DHRS12: variants seen among roughly 807,000 people sequenced by gnomAD.
DHRS12 encodes the protein dehydrogenase/reductase SDR family member 12.
DHRS12 carries 29 observed loss-of-function variants against 32.1 expected under a neutral mutation model. That is an observed-to-expected ratio of 0.90 (90% CI 0.67 to 1.23). The LOEUF (loss-of-function observed/expected upper bound fraction) is 1.23. DHRS12 is among the 50% of genes most tolerant of loss of function. DHRS12 has a pLI of 0.00. For synonymous variants in DHRS12, 150 were observed against 135.9 expected (o/e 1.10, Z -0.72); for missense variants, 330 against 337.2 (o/e 0.98, Z 0.17).
chr13:51,754,991 A>G, the DHRS12 span, among the ~76,000 whole-genome samples: 1 of 152,208 alleles, frequency 6.6e-6, no homozygotes, highest in Non-Finnish European at 1.5e-5. Flanking sequence ...TCTGTGCTCC[A>G]GCCATCCCCA....
intron 1 of DHRS12, 116 bp downstream of exon 1, chr13:51,803,938 G>T: frequency 1.0e-6 from 1 of 1,004,650 alleles, no homozygotes; most frequent in Non-Finnish European, 1.3e-6. Context: ...GACACGCTTA[G>T]TCGGCCCAGC....
At chr13:51,771,359 A>G (rs1395094136) in intron 7 of DHRS12, 1 of 1,613,016 alleles carries the variant, frequency 6.2e-7, no homozygotes, top group Admixed American at 1.7e-5. Flanking sequence ...CGCTGCTCCA[A>G]CACGCTTCCA....
In DHRS12 at chr13:51,791,177, TTTATG is replaced by T; in HGVS notation, c.202_206del (p.His68ThrfsTer7). On this transcript the variant is annotated frameshift_variant, in exon 3 of 9. Transcript: ENST00000444610. LOFTEE classifies it high-confidence loss of function. ...TTACAAAGCTCACCAGAACATGGAGTTTATGTTCCTGCTTGAAATTTTCAACAAAT... is the reference window on the plus strand; with the variant it reads ...TTACAAAGCTCACCAGAACATGGAGTTTCCTGCTTGAAATTTTCAACAAAT... 3 of 1,582,848 alleles carry T rather than the reference TTTATG, an allele frequency of 1.9e-6. No individual in the cohort carries two copies. In the African/African-American group the frequency reaches 4.1e-5, roughly 21 times the overall value.
chr13:51,758,428 GT>G, the DHRS12 span: 3 of 537,676 alleles, frequency 5.6e-6, no homozygotes, highest in African/African-American at 5.6e-5. Context: ...GCATGTGTCT[GT>G]AGTCCCAGCT....
In DHRS12 at chr13:51,772,195, C is replaced by CT. The variant is rs1387824200; in HGVS notation, c.469-285dup. Among the ~76,000 whole-genome samples the CT allele has an allele frequency of 2.0e-5, 3 of 152,270 alleles. No homozygotes were observed. In the East Asian group the frequency reaches 5.8e-4, roughly 29 times the overall value. On this transcript the variant is annotated intron_variant, in intron 6 of 8. Transcript: ENST00000444610. ...GCCCACCCCCCATGAAATTACACCCCTCAGTGCCCAGGTGTTCCTCGTCCA... is the reference window on the plus strand; with the variant it reads ...GCCCACCCCCCATGAAATTACACCCCTTCAGTGCCCAGGTGTTCCTCGTCCA...
At chr13:51,789,879 A>G (rs1955183183) in intron 4 of DHRS12, 132 bp downstream of exon 4, 1 of 1,346,354 alleles carries the variant, frequency 7.4e-7, no homozygotes, top group African/African-American at 1.5e-5. Flanking sequence ...TACAATTCAG[A>G]ATAAACTTAA....
At chr13:51,803,537 A>G (rs906357727) in intron 1 of DHRS12, 2 of 152,340 alleles carry the variant, frequency 1.3e-5, no homozygotes, top group African/African-American at 4.8e-5. Context: ...CGAAACCACC[A>G]CGCACCGTTC....
At chr13:51,768,348 G>A (rs1953846810) in intron 8 of DHRS12, 52 bp from the exon 9 acceptor site, 3 of 1,533,850 alleles carry the variant, frequency 2.0e-6, no homozygotes, top group South Asian at 2.4e-5. Context: ...AGCGTGGCTG[G>A]GTCCATGTCC....
At chr13:51,788,126 T>C (rs1265363640) in intron 4 of DHRS12, among the ~76,000 whole-genome samples, 2 of 151,130 alleles carry the variant, frequency 1.3e-5, no homozygotes, top group African/African-American at 2.4e-5. Flanking sequence ...GGTCGCTGCA[T>C]TGAAATCCTT....
chr13:51,795,660 G>A (rs1955482553), intron 2 of DHRS12, among the ~76,000 whole-genome samples: 1 of 152,164 alleles, frequency 6.6e-6, no homozygotes, highest in African/African-American at 2.4e-5. Context: ...TAGGCTCAAG[G>A]AACAAAGGGA....
At chr13:51,756,523 C>T in the DHRS12 span, 1 of 1,551,308 alleles carries the variant, frequency 6.4e-7, no homozygotes, top group Non-Finnish European at 8.7e-7. Context: ...CTGAGCCTTG[C>T]ACTCAGCGCC....
intron 2 of DHRS12, among the ~76,000 whole-genome samples, chr13:51,793,171 C>A (rs938558808): frequency 1.3e-5 from 2 of 152,270 alleles, no homozygotes; most frequent in South Asian, 2.1e-4. Flanking sequence ...GCATGGTAGT[C>A]GACTAATGGA....
At chr13:51,755,127 A>G in the DHRS12 span, among the ~76,000 whole-genome samples, 9 of 152,172 alleles carry the variant, frequency 5.9e-5, no homozygotes, top group African/African-American at 2.2e-4. Context: ...GTAAATAATT[A>G]TTAATCATAT....
At chr13:51,756,318 T>C in the DHRS12 span, 7 of 1,609,870 alleles carry the variant, frequency 4.3e-6, no homozygotes, top group Non-Finnish European at 5.9e-6. Context: ...ATCTATTTTA[T>C]CTCCCTCCTC....
intron 4 of DHRS12, among the ~76,000 whole-genome samples, chr13:51,786,609 C>T (rs920685525): frequency 5.3e-5 from 8 of 152,208 alleles, no homozygotes; most frequent in South Asian, 2.1e-4. Context: ...CACCCGCCCC[C>T]GCAAAAGGCT....
At chr13:51,773,163 C>T (rs1954116414) in intron 6 of DHRS12, 1 of 785,160 alleles carries the variant, frequency 1.3e-6, no homozygotes, top group Non-Finnish European at 1.5e-6. Flanking sequence ...TGCTGAGGCC[C>T]AGAAGTGTTT....
At chr13:51,780,829 AC>A (rs1248088098) in intron 4 of DHRS12, among the ~76,000 whole-genome samples, 1 of 152,236 alleles carries the variant, frequency 6.6e-6, no homozygotes, top group Non-Finnish European at 1.5e-5. Context: ...CTTGAGTATG[AC>A]ATTTTAATAG....
At chr13:51,776,966 C>T (rs1954451218) in intron 5 of DHRS12, 94 bp downstream of exon 5, 2 of 1,424,354 alleles carry the variant, frequency 1.4e-6, no homozygotes, top group Non-Finnish European at 2.0e-6. Context: ...CAGAATGGCC[C>T]CCTTAGGGCA....
Position 51,769,271 on chromosome 13 carries a change from C to A in DHRS12, c.582G>T (p.Gly194=). The change falls in exon 8 of 9, where the codon GGG becomes GGT. Residue 194 remains glycine, a synonymous_variant. Coordinates refer to ENST00000444610, the MANE Select transcript of DHRS12 (RefSeq NM_001377533.1). The part of the protein sequence containing the change: ...DTPGVRQAMP[G]FHARFGDRLR... ...GGCGGTCCCCGAACCTGGCGTGGAA[C>A]CCCGGCATCGCCTGCCTCACACCTG... 6.3e-7 allele frequency: 1 copy of A among 1,581,432 alleles called. No individual in the cohort carries two copies. Among genetic ancestry groups the A allele is most frequent in the Non-Finnish European group, 8.6e-7 (1 of 1,162,670 alleles).
Sources: allele counts gnomAD v4.1 joint callset (sites outside exome capture counted in the v4.1 genomes callset), GRCh38; gene constraint gnomAD v4.1.1; transcripts MANE v1.5; gene names NCBI Gene and HGNC (gene_info 2026-07-23, HGNC 2026-07-21).